Variants in KIF16B observed in about 807,000 individuals in gnomAD.
KIF16B encodes kinesin-like protein KIF16B.
KIF16B carries 98 observed loss-of-function variants against 156.3 expected under a neutral mutation model. The ratio of observed to expected loss-of-function variants is 0.63; its 90% CI spans 0.53 to 0.74. The LOEUF is 0.74. Ranked by LOEUF, KIF16B falls within the 30% of genes least tolerant of loss-of-function variation. The probability of loss-of-function intolerance (pLI) is 0.00; values close to 1 mark genes in which losing one functional copy is unlikely to be tolerated. For missense variants in KIF16B, 1,421 were observed against 1,606.5 expected (o/e 0.88, Z 1.97); for synonymous variants, 564 against 583.7 (o/e 0.97, Z 0.49).
At chr20:16,374,077 A>G (rs936576628) in intron 20 of KIF16B, among the ~76,000 whole-genome samples, 180 bp downstream of exon 20, 1 of 152,208 alleles carries the variant, frequency 6.6e-6, no homozygotes, top group African/African-American at 2.4e-5. Flanking sequence ...TTTTCTTGAA[A>G]TGACCCCTTA....
intron 3 of KIF16B, among the ~76,000 whole-genome samples, chr20:16,524,209 A>G (rs562227781): frequency 4.2e-4 from 64 of 152,340 alleles, no homozygotes; most frequent in African/African-American, 1.5e-3. Flanking sequence ...CTGCCCAGCA[A>G]TATAAACTAT....
At chr20:16,276,235 A>G (rs1309094795) in intron 25 of KIF16B, among the ~76,000 whole-genome samples, 1 of 152,232 alleles carries the variant, frequency 6.6e-6, no homozygotes, top group African/African-American at 2.4e-5. Flanking sequence ...TAGGGTCCCT[A>G]TAAAGGGCCA....
chr20:16,378,788 T>C lies in KIF16B; in HGVS notation c.3197+17A>G. The C allele has an allele frequency of 1.3e-6, 2 of 1,577,888 alleles. No homozygotes were observed. The highest frequency in any genetic ancestry group is 1.7e-6 in the Non-Finnish European group (2 of 1,163,246). On this transcript the variant is annotated intron_variant, in intron 19 of 25. Coordinates refer to ENST00000354981, the MANE Select transcript of KIF16B (RefSeq NM_024704.5). ...TTGGCACCCACTGTATGCCACACCC[T>C]TCCTTCCCAATCTCACCTCTCCTGG... is the stretch of plus-strand genomic sequence containing the variant.
chr20:16,525,078 T>C (rs183370662), intron 3 of KIF16B, among the ~76,000 whole-genome samples: 1 of 152,294 alleles, frequency 6.6e-6, no homozygotes, highest in East Asian at 1.9e-4. Context: ...CTAATGTAGA[T>C]GTCGGGTTGA....
In KIF16B at chr20:16,573,393, G is replaced by T; in HGVS notation, c.-118C>A. 2 of 1,149,964 alleles carry T rather than the reference G, an allele frequency of 1.7e-6. No individual in the cohort carries two copies. The highest frequency in any genetic ancestry group is 2.5e-6 in the Non-Finnish European group (2 of 806,344). 71.2% of individuals were successfully genotyped at this position (1,149,964 alleles called of 1,614,324 possible). On this transcript the variant is annotated 5_prime_UTR_variant, in exon 1 of 26. Transcript: ENST00000354981. ...ACTTCCCTCTCGCCCCCGCCCCTCT[G>T]CTCCCGGCCGGACCTGGAGTTCCGC...
At chr20:16,459,009 G>C (rs953933033) in intron 12 of KIF16B, among the ~76,000 whole-genome samples, 2 of 152,102 alleles carry the variant, frequency 1.3e-5, no homozygotes, top group Non-Finnish European at 2.9e-5. Flanking sequence ...CAAATCCCAA[G>C]TCTTTTAGAA....
At chr20:16,425,442 C>T (rs2066327626) in intron 15 of KIF16B, among the ~76,000 whole-genome samples, 1 of 152,070 alleles carries the variant, frequency 6.6e-6, no homozygotes, top group Non-Finnish European at 1.5e-5. Flanking sequence ...ATGATGCATT[C>T]TTTTTTAATC....
intron 1 of KIF16B, among the ~76,000 whole-genome samples, chr20:16,545,703 A>G (rs1386054964): frequency 6.6e-6 from 1 of 152,196 alleles, no homozygotes; most frequent in Non-Finnish European, 1.5e-5. Context: ...GTATTGCAGA[A>G]CATAAGAACA....
intron 22 of KIF16B, chr20:16,367,031 C>T: frequency 3.0e-6 from 4 of 1,347,910 alleles, no homozygotes; most frequent in South Asian, 2.2e-5. Context: ...TGCATTTTTC[C>T]AGTTCCAATT....
At chr20:16,304,619 GTATT>G (rs1167187262) in intron 25 of KIF16B, among the ~76,000 whole-genome samples, 1 of 152,064 alleles carries the variant, frequency 6.6e-6, no homozygotes, top group African/African-American at 2.4e-5. Context: ...TTCCTATGAG[GTATT>G]TATTTAATCT....
At chr20:16,411,079 T>A (rs968036151) in intron 15 of KIF16B, among the ~76,000 whole-genome samples, 2 of 152,134 alleles carry the variant, frequency 1.3e-5, no homozygotes, top group Non-Finnish European at 2.9e-5. Context: ...AGATACTTTA[T>A]CACCACAAAT....
intron 22 of KIF16B, among the ~76,000 whole-genome samples, chr20:16,361,016 G>A (rs923863826): frequency 6.6e-6 from 1 of 152,122 alleles, no homozygotes; most frequent in African/African-American, 2.4e-5. Flanking sequence ...TACACATCAT[G>A]ACAAGGTCTG....
At chr20:16,395,069 T>A (rs748348828) in intron 17 of KIF16B, among the ~76,000 whole-genome samples, 2 of 150,324 alleles carry the variant, frequency 1.3e-5, no homozygotes, top group Non-Finnish European at 3.0e-5. Context: ...ACAGCAAAGC[T>A]AAGGCTCAGT....
chr20:16,507,309 G>A (rs192454746), intron 7 of KIF16B, among the ~76,000 whole-genome samples: 1 of 152,122 alleles, frequency 6.6e-6, no homozygotes, highest in Admixed American at 6.5e-5. Flanking sequence ...CTGCCTCTTT[G>A]TATCTGATGT....
chr20:16,555,727 A>C (rs1275979120), intron 1 of KIF16B, among the ~76,000 whole-genome samples: 1 of 152,230 alleles, frequency 6.6e-6, no homozygotes, highest in African/African-American at 2.4e-5. Flanking sequence ...CAAAAGTCAG[A>C]GAAGGGAAAA....
intron 10 of KIF16B, among the ~76,000 whole-genome samples, chr20:16,498,447 T>A (rs922193809): frequency 2.6e-5 from 4 of 152,214 alleles, no homozygotes; most frequent in Non-Finnish European, 5.9e-5. Context: ...CCAATTTGGT[T>A]GTGTAAACTT....
intron 17 of KIF16B, among the ~76,000 whole-genome samples, chr20:16,385,139 G>A (rs2065198217): frequency 1.3e-5 from 2 of 151,746 alleles, no homozygotes; most frequent in African/African-American, 4.8e-5. Context: ...GGAGGTTGCA[G>A]TGAGCTGAAA....
intron 11 of KIF16B, among the ~76,000 whole-genome samples, chr20:16,497,073 G>A (rs1366896762): frequency 6.6e-6 from 1 of 151,808 alleles, no homozygotes; most frequent in East Asian, 1.9e-4. Context: ...AAAGGCATGG[G>A]CACACACATT....
At chr20:16,509,789 T>G (rs116943977) in intron 6 of KIF16B, among the ~76,000 whole-genome samples, 2,909 of 152,316 alleles carry the variant, frequency 0.019, 46 homozygotes, top group Non-Finnish European at 0.028. Flanking sequence ...TTGCTTACAG[T>G]GTTTCTGTCA....
Sources: gnomAD v4.1 joint callset for allele counts (sites outside exome capture counted in the v4.1 genomes callset) on GRCh38, gnomAD v4.1.1 for gene constraint, MANE v1.5 for transcripts, NCBI Gene and HGNC (gene_info 2026-07-23, HGNC 2026-07-21) for gene names.